PTK2B: variants seen among roughly 807,000 people sequenced by gnomAD.
PTK2B encodes the protein protein tyrosine kinase 2 beta, also known as protein-tyrosine kinase 2-beta.
A neutral mutation model predicts 142.9 loss-of-function variants in PTK2B; 71 were observed. The ratio of observed to expected loss-of-function variants is 0.50; its 90% CI spans 0.41 to 0.61. The LOEUF is 0.61. Among genes scored for constraint, PTK2B ranks in the 20% least tolerant of loss-of-function variants. PTK2B has a pLI of 0.00. For missense variants in PTK2B, 1,105 were observed against 1,320.4 expected (o/e 0.84, Z 2.53); for synonymous variants, 519 against 503.4 (o/e 1.03, Z -0.42).
At chr8:27,365,337 T>C (rs1370471334) in intron 1 of PTK2B, among the ~76,000 whole-genome samples, 1 of 152,228 alleles carries the variant, frequency 6.6e-6, no homozygotes, top group East Asian at 1.9e-4. Context: ...GTTTGTTGAA[T>C]TGATTGTAGT....
intron 1 of PTK2B, among the ~76,000 whole-genome samples, chr8:27,378,601 C>CTGTG (rs58485965): frequency 0.014 from 2,027 of 148,174 alleles, 25 homozygotes; most frequent in Admixed American, 0.02. Flanking sequence ...TACAGCTTAT[C>CTGTG]TGTGTGTGTG....
chr8:27,391,261 T>C (rs906503955), intron 1 of PTK2B, among the ~76,000 whole-genome samples: 1 of 152,016 alleles, frequency 6.6e-6, no homozygotes, highest in Non-Finnish European at 1.5e-5. Context: ...CACACCCAAC[T>C]AATTTTTGTA....
chr8:27,395,470 G>A lies in PTK2B; in HGVS notation c.-37-2078G>A, dbSNP rs982688418. 4.6e-5 allele frequency among the ~76,000 whole-genome samples: 7 copies of A among 152,120 alleles called. 1 individual carries two copies. The highest frequency in any genetic ancestry group is 2.4e-5 in the African/African-American group (1 of 41,398). ...GTGTGTGCTCTTTAGGGAAAGGCAT[G>A]CTTTTCTCATCTTCATACCCTGTAG... On this transcript the variant is annotated intron_variant, in intron 1 of 30. Transcript: ENST00000346049.
In PTK2B at chr8:27,459,214, T is replaced by C; in HGVS notation, c.*705T>C. ...GCCAAATCCGCTCTCTTCCTGCCCC[T>C]CTTTCTCTTTCTTCCTTTACTTTCC... is the stretch of plus-strand genomic sequence containing the variant. On this transcript the variant is annotated 3_prime_UTR_variant, in exon 31 of 31. Coordinates refer to ENST00000346049, the MANE Select transcript of PTK2B (RefSeq NM_173176.3). The C allele has an allele frequency of 1.3e-5, 3 of 234,156 alleles. No individual in the cohort carries two copies. In the East Asian group the frequency reaches 1.8e-4, roughly 14 times the overall value. The allele number at this position is 234,156 out of a possible 1,614,324, so 14.5% of individuals were successfully genotyped here. A position where few individuals can be genotyped will look rare whatever the true frequency, so the allele number is the denominator to read the frequency against.
intron 29 of PTK2B, 73 bp downstream of exon 29, chr8:27,454,364 CT>C: frequency 2.5e-6 from 4 of 1,576,816 alleles, no homozygotes; most frequent in Non-Finnish European, 3.4e-6. Flanking sequence ...ACTGCGCTTC[CT>C]GTTGGCTGGC....
chr8:27,397,671 A>G lies in PTK2B; in HGVS notation c.87A>G (p.Val29=), dbSNP rs746601290. 3.1e-6 allele frequency: 5 copies of G among 1,614,148 alleles called. No homozygotes were observed. In the African/African-American group the frequency reaches 4.0e-5, roughly 13 times the overall value. The part of the protein sequence containing the change: ...PEGPAEPMVV[V]PVDVEKEDVR... The stretch of plus-strand genomic sequence containing the variant: ...GCCCTGCAGAGCCCATGGTGGTGGT[A>G]CCAGTAGATGTGGAAAAGGAGGACG... The change falls in exon 2 of 31, where the codon GTA becomes GTG. Residue 29 remains valine, a synonymous_variant. Coordinates refer to ENST00000346049, the MANE Select transcript of PTK2B (RefSeq NM_173176.3).
intron 30 of PTK2B, among the ~76,000 whole-genome samples, chr8:27,457,441 A>G (rs1563309470): frequency 1.3e-5 from 2 of 152,260 alleles, no homozygotes; most frequent in Non-Finnish European, 1.5e-5. Context: ...CCATGGATCA[A>G]GGAGTAATTT....
At chr8:27,356,503 G>C (rs763169946) in intron 1 of PTK2B, among the ~76,000 whole-genome samples, 1 of 152,000 alleles carries the variant, frequency 6.6e-6, no homozygotes, top group Admixed American at 6.6e-5. Context: ...CACTGCTCAC[G>C]AGGAATTCTG....
chr8:27,339,442 C>T (rs1050191280), intron 1 of PTK2B, among the ~76,000 whole-genome samples: 1 of 152,222 alleles, frequency 6.6e-6, no homozygotes, highest in Admixed American at 6.5e-5. Context: ...CCTCCCCATC[C>T]TTTACCATTG....
At chr8:27,400,157 G>C (rs557527272) in intron 2 of PTK2B, among the ~76,000 whole-genome samples, 1 of 152,310 alleles carries the variant, frequency 6.6e-6, no homozygotes, top group South Asian at 2.1e-4. Context: ...ATGGTGTTCT[G>C]CAAGATGTTA....
At chr8:27,358,616 T>C (rs1805521821) in intron 1 of PTK2B, among the ~76,000 whole-genome samples, 1 of 152,146 alleles carries the variant, frequency 6.6e-6, no homozygotes, top group South Asian at 2.1e-4. Flanking sequence ...AGTCTAAGTG[T>C]CTTTGTCTTT....
Position 27,353,829 on chromosome 8 carries a change from C to T in PTK2B, c.-38+28148C>T, listed in dbSNP as rs139604471. Among the ~76,000 whole-genome samples, 242 of 152,294 alleles carry T rather than the reference C, an allele frequency of 1.6e-3. 1 individual carries two copies. Among genetic ancestry groups the T allele is most frequent in the African/African-American group, 4.4e-3 (182 of 41,558 alleles). On this transcript the variant is annotated intron_variant, in intron 1 of 30. Coordinates refer to ENST00000346049, the MANE Select transcript of PTK2B (RefSeq NM_173176.3). ...AAGAGCAGGGGACAAAGAGCCTCAG[C>T]AGAAATGGGCCTGCTATTGAAGATG...
intron 23 of PTK2B, among the ~76,000 whole-genome samples, chr8:27,445,215 A>C (rs916613938): frequency 2.6e-5 from 4 of 152,114 alleles, no homozygotes; most frequent in African/African-American, 7.2e-5. Flanking sequence ...AAAAACAAAT[A>C]GTAATACAAT....
intron 15 of PTK2B, 121 bp from the exon 16 acceptor site, chr8:27,437,001 C>T (rs1469899864): frequency 2.4e-6 from 2 of 842,588 alleles, no homozygotes; most frequent in African/African-American, 1.7e-5. Flanking sequence ...AGAAGAGAGA[C>T]ATAGGAGAAA....
intron 14 of PTK2B, among the ~76,000 whole-genome samples, chr8:27,436,009 G>A (rs2132133188): frequency 6.6e-6 from 1 of 152,256 alleles, no homozygotes; most frequent in East Asian, 1.9e-4. Context: ...CCATGGAGCT[G>A]TGCGGGGATT....
intron 2 of PTK2B, among the ~76,000 whole-genome samples, chr8:27,407,504 G>T (rs1366287351): frequency 6.6e-6 from 1 of 152,176 alleles, no homozygotes; most frequent in Non-Finnish European, 1.5e-5. Flanking sequence ...CCTGCTGCTG[G>T]TGCTGGCTCC....
intron 2 of PTK2B, among the ~76,000 whole-genome samples, chr8:27,405,599 T>A (rs1156279923): frequency 6.6e-6 from 1 of 152,180 alleles, no homozygotes; most frequent in Non-Finnish European, 1.5e-5. Context: ...ACCCCCTCCC[T>A]GTTTCCTGTG....
chr8:27,371,515 G>A (rs2130930405), intron 1 of PTK2B, among the ~76,000 whole-genome samples: 1 of 150,756 alleles, frequency 6.6e-6, no homozygotes, highest in East Asian at 1.9e-4. Flanking sequence ...TCTGTAATAT[G>A]GGAATATAAA....
At chr8:27,403,940 C>T (rs1808543028) in intron 2 of PTK2B, among the ~76,000 whole-genome samples, 1 of 151,468 alleles carries the variant, frequency 6.6e-6, no homozygotes, top group African/African-American at 2.4e-5. Flanking sequence ...TCTGCCTCCT[C>T]TTCCTCCTAC....
Sources: gnomAD v4.1 joint callset for allele counts (sites outside exome capture counted in the v4.1 genomes callset) on GRCh38, gnomAD v4.1.1 for gene constraint, MANE v1.5 for transcripts, NCBI Gene and HGNC (gene_info 2026-07-23, HGNC 2026-07-21) for gene names.